Variants in PCDH19 observed in about 807,000 individuals in gnomAD.
The protein encoded by PCDH19 is protocadherin 19.
In PCDH19, 6 loss-of-function variants were observed where a neutral mutation model predicts 46.2. That is an observed-to-expected ratio of 0.13 (90% CI 0.07 to 0.26). PCDH19 has a LOEUF of 0.26. PCDH19 is among the 10% of genes least tolerant of loss of function. The pLI, the probability that PCDH19 is intolerant of heterozygous loss-of-function variation, is 1.00. For missense variants in PCDH19, 740 were observed against 972.3 expected (o/e 0.76, Z 3.18); for synonymous variants, 481 against 415.7 (o/e 1.16, Z -1.91).
At chrX:100,344,959 T>C (rs1433339401) in intron 4 of PCDH19, among the ~76,000 whole-genome samples, 3 of 109,510 alleles carry the variant, frequency 2.7e-5, no homozygotes. Context: ...TTTATTTCTA[T>C]AGCAGACTGT....
At chrX:100,401,468 C>G in intron 3 of PCDH19, among the ~76,000 whole-genome samples, 1 of 111,293 alleles carries the variant, frequency 9.0e-6, no homozygotes, top group Non-Finnish European at 1.9e-5. Flanking sequence ...GCCTGACCAA[C>G]ATGGTGAAAC....
intron 3 of PCDH19, among the ~76,000 whole-genome samples, chrX:100,398,023 C>T (rs923090831): frequency 9.0e-6 from 1 of 110,883 alleles, no homozygotes; most frequent in East Asian, 2.8e-4. Flanking sequence ...TACACACACA[C>T]ATACACACGC....
chrX:100,363,744 AAT>A (rs1408559805), intron 3 of PCDH19, among the ~76,000 whole-genome samples: 1 of 99,735 alleles, frequency 1.0e-5, no homozygotes, highest in Non-Finnish European at 2.0e-5. Context: ...ATATATAAAT[AAT>A]ATATATATAA....
chrX:100,379,542 T>C (rs747170441), intron 3 of PCDH19, among the ~76,000 whole-genome samples: 1 of 112,168 alleles, frequency 8.9e-6, no homozygotes, highest in African/African-American at 3.2e-5. Context: ...GGTGGCCAAG[T>C]TGAATAAAGG....
At chrX:100,363,721 ATAT>A (rs1406230542) in intron 3 of PCDH19, among the ~76,000 whole-genome samples, 7 of 99,933 alleles carry the variant, frequency 7.0e-5, no homozygotes, top group Admixed American at 1.2e-4. Flanking sequence ...TATATATAAT[ATAT>A]TTATTTTATA....
intron 2 of PCDH19, among the ~76,000 whole-genome samples, chrX:100,403,258 G>C (rs990226752): frequency 4.8e-4 from 54 of 111,364 alleles, no homozygotes; most frequent in East Asian, 1.1e-3. Flanking sequence ...AGAGGAGATA[G>C]AGGAAAATAA....
In PCDH19 at chrX:100,409,038, T is replaced by C. The variant is rs903821818; in HGVS notation, c.-441A>G. ...TAAAGAGGGCGGAGGAGGCGCAGCC[T>C]TTCAGGCACTGCCCGGCCCGCCGCG... On this transcript the variant is annotated 5_prime_UTR_variant, in exon 1 of 6. Transcript: ENST00000373034. The C allele has an allele frequency of 1.8e-5, 2 of 113,119 alleles. No homozygotes were observed. Among genetic ancestry groups the C allele is most frequent in the Non-Finnish European group, 3.8e-5 (2 of 53,245 alleles). The allele number at this position is 113,119 out of a possible 1,213,427, so 9.3% of individuals were successfully genotyped here. A position where few individuals can be genotyped will look rare whatever the true frequency, so the allele number is the denominator to read the frequency against.
At chrX:100,328,052 G>A (rs1438347462) in intron 5 of PCDH19, among the ~76,000 whole-genome samples, 1 of 111,869 alleles carries the variant, frequency 8.9e-6, no homozygotes, top group African/African-American at 3.2e-5. Context: ...TGGGCTTCTC[G>A]AAGAGTACCT....
At chrX:100,374,176 T>C (rs1016069493) in intron 3 of PCDH19, among the ~76,000 whole-genome samples, 1 of 112,694 alleles carries the variant, frequency 8.9e-6, no homozygotes. Flanking sequence ...CAGTTATTAA[T>C]TACCCTAATT....
Position 100,292,141 on chromosome X carries a change from G to C in PCDH19, c.*4136C>G, listed in dbSNP as rs1319396018. 1.8e-5 allele frequency: 2 copies of C among 113,135 alleles called. No individual in the cohort carries two copies. The highest frequency in any genetic ancestry group is 3.8e-5 in the Non-Finnish European group (2 of 53,327). The allele number at this position is 113,135 out of a possible 1,213,427, so 9.3% of individuals were successfully genotyped here. On this transcript the variant is annotated 3_prime_UTR_variant, in exon 6 of 6. Transcript: ENST00000373034. ...TCTAGCTCGAGCTAGTCTGGCTCTT[G>C]GTCATTAAAGTCTGTATCCTAGCCT...
chrX:100,361,104 CTAA>C lies in PCDH19; in HGVS notation c.2617-10403_2617-10401del, dbSNP rs1216883205. On this transcript the variant is annotated intron_variant, in intron 3 of 5. Transcript: ENST00000373034. ...GCCATAATTACCCTTCACAAAGTGG[CTAA>C]TATCATCAGCATCTTGAAACTGCCA... Among the ~76,000 whole-genome samples, 3 of 111,996 alleles carry C rather than the reference CTAA, an allele frequency of 2.7e-5. No individual in the cohort carries two copies. In the East Asian group the frequency reaches 8.4e-4, roughly 31 times the overall value.
intron 4 of PCDH19, among the ~76,000 whole-genome samples, chrX:100,342,600 T>TA (rs1926287286): frequency 9.0e-6 from 1 of 111,578 alleles, no homozygotes; most frequent in African/African-American, 3.3e-5. Flanking sequence ...ACACAGCTGG[T>TA]AAAAAATATA....
rs1052095252 is a variant in PCDH19 at position 100,322,330 on chromosome X, T to C, written c.2848+19573A>G. On this transcript the variant is annotated intron_variant, in intron 5 of 5. Coordinates refer to ENST00000373034, the MANE Select transcript of PCDH19 (RefSeq NM_001184880.2). ...CACCATTTTTTGAAAAGGGTGTCCTTCCCCAACTTTATGTTTTTGTTTGCT... is the reference window on the plus strand; with the variant it reads ...CACCATTTTTTGAAAAGGGTGTCCTCCCCCAACTTTATGTTTTTGTTTGCT... Among the ~76,000 whole-genome samples, 3 of 111,146 alleles carry C rather than the reference T, an allele frequency of 2.7e-5. No individual in the cohort carries two copies. In the Admixed American group the frequency reaches 2.9e-4, roughly 11 times the overall value.
At chrX:100,328,763 C>T (rs368422521) in intron 5 of PCDH19, among the ~76,000 whole-genome samples, 1 of 112,288 alleles carries the variant, frequency 8.9e-6, no homozygotes, top group Non-Finnish European at 1.9e-5. Flanking sequence ...CAAAACATTA[C>T]AGATTAATTA....
At chrX:100,355,658 G>A (rs911635880) in intron 3 of PCDH19, among the ~76,000 whole-genome samples, 9 of 111,638 alleles carry the variant, frequency 8.1e-5, no homozygotes, top group African/African-American at 2.3e-4. Context: ...TTTGTGCAAT[G>A]TTTTGATTTT....
intron 4 of PCDH19, 34 bp from the exon 5 acceptor site, chrX:100,342,109 TGACA>T (rs1243740020): frequency 8.6e-7 from 1 of 1,161,517 alleles, no homozygotes; most frequent in Non-Finnish European, 1.2e-6. Flanking sequence ...TTTACGACCG[TGACA>T]GATCTGATTT....
intron 5 of PCDH19, among the ~76,000 whole-genome samples, chrX:100,326,022 G>A (rs1925684294): frequency 8.9e-6 from 1 of 112,391 alleles, no homozygotes; most frequent in Non-Finnish European, 1.9e-5. Context: ...ATCAGCGAAG[G>A]TGGGCCACCT....
chrX:100,323,398 T>C (rs1925583259), intron 5 of PCDH19, among the ~76,000 whole-genome samples: 1 of 111,916 alleles, frequency 8.9e-6, no homozygotes, highest in African/African-American at 3.3e-5. Context: ...GTCAGTCCAA[T>C]AGCCTTTGAG....
chrX:100,310,628 A>G (rs1246616874), intron 5 of PCDH19, among the ~76,000 whole-genome samples: 1 of 110,515 alleles, frequency 9.0e-6, no homozygotes, highest in Non-Finnish European at 1.9e-5. Flanking sequence ...CAACTCTGAA[A>G]AACATAGGAC....
Sources: gnomAD v4.1 joint callset for allele counts (sites outside exome capture counted in the v4.1 genomes callset) on GRCh38, gnomAD v4.1.1 for gene constraint, MANE v1.5 for transcripts, NCBI Gene and HGNC (gene_info 2026-07-23, HGNC 2026-07-21) for gene names.